GRID2: variants seen among roughly 807,000 people sequenced by gnomAD.
GRID2 encodes the protein glutamate receptor ionotropic, delta-2.
Under a neutral mutation model 114.8 loss-of-function variants are expected in GRID2, and 33 were observed. The ratio of observed to expected loss-of-function variants is 0.29; its 90% confidence interval spans 0.22 to 0.38. The LOEUF is 0.38. Among genes scored for constraint, GRID2 ranks in the 10% least tolerant of loss-of-function variants. The pLI, the probability that GRID2 is intolerant of heterozygous loss-of-function variation, is 1.00. For missense variants in GRID2, 1,184 were observed against 1,257.7 expected, an observed-to-expected ratio of 0.94 and a Z score of 0.89; for synonymous variants, 505 against 449.9, an observed-to-expected ratio of 1.12 and a Z score of -1.55.
At chr4:93,285,052 T>G (rs896983775) in intron 8 of GRID2, among the ~76,000 whole-genome samples, 1 of 152,084 alleles carries the variant, frequency 6.6e-6, no homozygotes, top group Non-Finnish European at 1.5e-5. Flanking sequence ...TCTCAATATC[T>G]CATCTGACTT....
intron 2 of GRID2, among the ~76,000 whole-genome samples, chr4:92,823,936 A>G (rs1167082433): frequency 6.6e-6 from 1 of 152,162 alleles, no homozygotes; most frequent in Non-Finnish European, 1.5e-5. Flanking sequence ...GTTGACAATG[A>G]AATTTAGAAT....
intron 2 of GRID2, among the ~76,000 whole-genome samples, chr4:92,985,820 G>A (rs1419348867): frequency 6.6e-6 from 1 of 152,110 alleles, no homozygotes; most frequent in Non-Finnish European, 1.5e-5. Context: ...TCCAGAGTTT[G>A]AACTTCCTAT....
chr4:93,319,680 C>G (rs1408297972), intron 8 of GRID2: 1 of 152,042 alleles, frequency 6.6e-6, no homozygotes, highest in African/African-American at 2.4e-5. Context: ...TAGAAAGACT[C>G]AGTGCAAAAG....
intron 2 of GRID2, among the ~76,000 whole-genome samples, chr4:92,798,943 C>A (rs557700218): frequency 3.9e-5 from 6 of 152,092 alleles, no homozygotes; most frequent in Non-Finnish European, 7.4e-5. Context: ...GCTACTATAA[C>A]AAATGCACAC....
chr4:92,792,746 A>T lies in GRID2; in HGVS notation c.244+202460A>T, dbSNP rs548011690. ...TTTGCTATGTCTCCCACTTCTGCATAATGAGGTTGAAAAAAGTTACTATAT... is the reference window on the plus strand; with the variant it reads ...TTTGCTATGTCTCCCACTTCTGCATTATGAGGTTGAAAAAAGTTACTATAT... On this transcript the variant is annotated intron_variant, in intron 2 of 15. Transcript: ENST00000282020. Among the ~76,000 whole-genome samples the T allele has an allele frequency of 3.3e-5, 5 of 151,962 alleles. No homozygotes were observed. In the East Asian group the frequency reaches 7.8e-4, roughly 24 times the overall value.
At chr4:92,508,795 G>C (rs1724102886) in intron 1 of GRID2, among the ~76,000 whole-genome samples, 1 of 151,924 alleles carries the variant, frequency 6.6e-6, no homozygotes, top group Non-Finnish European at 1.5e-5. Flanking sequence ...TTTTTTTAAA[G>C]GATGCCTGAG....
chr4:92,789,509 T>C lies in GRID2; in HGVS notation c.244+199223T>C, dbSNP rs1232382114. 2.0e-5 allele frequency among the ~76,000 whole-genome samples: 3 copies of C among 151,862 alleles called. 1 individual carries two copies. The highest frequency in any genetic ancestry group is 4.1e-4 in the South Asian group (2 of 4,832). On this transcript the variant is annotated intron_variant, in intron 2 of 15. Transcript: ENST00000282020. ...ATTTCATTGACTTGCCTGTCTCTTA[T>C]GCCTTTGACCAATCTTCCAATTAAC...
intron 14 of GRID2, among the ~76,000 whole-genome samples, chr4:93,672,161 C>T (rs1724479413): frequency 6.6e-6 from 1 of 152,128 alleles, no homozygotes; most frequent in Non-Finnish European, 1.5e-5. Context: ...GAGCCTGTGC[C>T]CCTCTTCTAG....
intron 1 of GRID2, among the ~76,000 whole-genome samples, chr4:92,392,482 T>A (rs201408610): frequency 6.6e-6 from 1 of 152,080 alleles, no homozygotes; most frequent in East Asian, 1.9e-4. Context: ...GAGATTGCAA[T>A]GAGCCGGGAT....
intron 4 of GRID2, among the ~76,000 whole-genome samples, chr4:93,196,115 G>A (rs1741462990): frequency 6.6e-6 from 1 of 152,112 alleles, no homozygotes; most frequent in Non-Finnish European, 1.5e-5. Flanking sequence ...AATAACTCAG[G>A]CAGGGAAGTC....
chr4:93,115,388 T>C (rs1733143545), intron 4 of GRID2, among the ~76,000 whole-genome samples: 1 of 73,626 alleles, frequency 1.4e-5, no homozygotes, highest in Non-Finnish European at 2.8e-5. Context: ...TATGTGGCAT[T>C]CCAAGTATAT....
intron 10 of GRID2, among the ~76,000 whole-genome samples, chr4:93,447,138 G>A (rs915969315): frequency 2.0e-5 from 3 of 151,622 alleles, no homozygotes; most frequent in Admixed American, 1.3e-4. Flanking sequence ...AGAGCAAAGA[G>A]GAAATAAAAA....
chr4:92,893,572 C>T (rs940958046), intron 2 of GRID2, among the ~76,000 whole-genome samples: 1 of 152,138 alleles, frequency 6.6e-6, no homozygotes, highest in Non-Finnish European at 1.5e-5. Flanking sequence ...TATATTATAA[C>T]ATAGTAGCCC....
At chr4:92,692,709 T>A (rs920994558) in intron 2 of GRID2, among the ~76,000 whole-genome samples, 4 of 152,090 alleles carry the variant, frequency 2.6e-5, no homozygotes, top group Non-Finnish European at 5.9e-5. Context: ...AGAACTAGAC[T>A]GTGTGGCCAA....
chr4:93,324,231 TAGTTTATTGAG>T (rs1757577093), intron 8 of GRID2, among the ~76,000 whole-genome samples: 1 of 152,190 alleles, frequency 6.6e-6, no homozygotes, highest in Non-Finnish European at 1.5e-5. Flanking sequence ...CATCAATAAC[TAGTTTATTGAG>T]AGTTTTTAGC....
intron 2 of GRID2, among the ~76,000 whole-genome samples, chr4:92,718,524 G>C (rs1735654580): frequency 1.3e-5 from 2 of 152,138 alleles, no homozygotes; most frequent in South Asian, 2.1e-4. Flanking sequence ...CCCAATTTGG[G>C]AGGCTGAGGC....
At chr4:93,041,684 T>C (rs1725529929) in intron 2 of GRID2, among the ~76,000 whole-genome samples, 1 of 152,100 alleles carries the variant, frequency 6.6e-6, no homozygotes, top group Non-Finnish European at 1.5e-5. Context: ...TAGCATATTT[T>C]TAATAAAAAC....
chr4:93,536,320 G>A (rs570593969), intron 13 of GRID2, among the ~76,000 whole-genome samples: 14 of 151,996 alleles, frequency 9.2e-5, no homozygotes, highest in African/African-American at 3.1e-4. Flanking sequence ...CAAAGCTGTG[G>A]TAATCAACAT....
chr4:93,514,285 G>T (rs539202563), intron 12 of GRID2, among the ~76,000 whole-genome samples: 28 of 152,056 alleles, frequency 1.8e-4, no homozygotes, highest in African/African-American at 6.7e-4. Flanking sequence ...TAGATAACCT[G>T]GGACAAATAG....
Sources: gnomAD v4.1 joint callset for allele counts (sites outside exome capture counted in the v4.1 genomes callset) on GRCh38, gnomAD v4.1.1 for gene constraint, MANE v1.5 for transcripts, NCBI Gene and HGNC (gene_info 2026-07-23, HGNC 2026-07-21) for gene names.